VEPH1: variants seen among roughly 807,000 people sequenced by gnomAD.
VEPH1 encodes the protein ventricular zone expressed PH domain containing 1, also known as ventricular zone-expressed PH domain-containing protein homolog 1.
A neutral mutation model predicts 85.2 loss-of-function variants in VEPH1; 80 were observed. That is an observed-to-expected ratio of 0.94 (90% CI 0.78 to 1.13). The LOEUF (loss-of-function observed/expected upper bound fraction) is 1.13, where lower values mean the gene tolerates loss of function less well. Among genes scored for constraint, VEPH1 ranks in the 50% most tolerant of loss-of-function variants. VEPH1 has a pLI of 0.00. For missense variants in VEPH1, 955 were observed against 980.5 expected, an observed-to-expected ratio of 0.97 and a Z score of 0.35; for synonymous variants, 297 against 348.0, an observed-to-expected ratio of 0.85 and a Z score of 1.63.
intron 9 of VEPH1, among the ~76,000 whole-genome samples, chr3:157,326,281 C>T (rs764606372): frequency 7.2e-5 from 11 of 152,014 alleles, no homozygotes; most frequent in Non-Finnish European, 1.0e-4. Context: ...TCTTTTTTGC[C>T]TTCTGAGTAC....
chr3:157,348,756 G>C (rs79770758), intron 9 of VEPH1, among the ~76,000 whole-genome samples: 5 of 152,210 alleles, frequency 3.3e-5, no homozygotes, highest in Non-Finnish European at 1.5e-5. Flanking sequence ...CTGCACTTCC[G>C]TGCTCTCCCT....
intron 11 of VEPH1, among the ~76,000 whole-genome samples, chr3:157,295,316 A>G (rs1717985421): frequency 6.6e-6 from 1 of 152,092 alleles, no homozygotes; most frequent in Admixed American, 6.5e-5. Flanking sequence ...CTTGCTATTC[A>G]AGCTACCCAG....
intron 9 of VEPH1, among the ~76,000 whole-genome samples, chr3:157,327,964 C>G (rs1326621840): frequency 2.0e-5 from 3 of 152,178 alleles, no homozygotes; most frequent in African/African-American, 7.2e-5. Context: ...CAATTCTTCT[C>G]CAAGGTGGTG....
chr3:157,367,316 T>C (rs1002278412), intron 7 of VEPH1, among the ~76,000 whole-genome samples: 10 of 152,204 alleles, frequency 6.6e-5, no homozygotes, highest in Admixed American at 1.3e-4. Context: ...TGACATCTTA[T>C]AGCCAGAAGA....
chr3:157,377,693 AG>A (rs1209126980), intron 7 of VEPH1, among the ~76,000 whole-genome samples: 2 of 152,212 alleles, frequency 1.3e-5, no homozygotes, highest in African/African-American at 4.8e-5. Flanking sequence ...TGCCTTGTGA[AG>A]ATGGTGTCTT....
intron 6 of VEPH1, among the ~76,000 whole-genome samples, chr3:157,396,561 G>C (rs1043281923): frequency 6.6e-6 from 1 of 152,176 alleles, no homozygotes; most frequent in Non-Finnish European, 1.5e-5. Context: ...CCCACCAATA[G>C]TGTAAAAGCA....
intron 6 of VEPH1, among the ~76,000 whole-genome samples, chr3:157,384,725 T>C (rs1310570313): frequency 6.6e-6 from 1 of 152,214 alleles, no homozygotes; most frequent in African/African-American, 2.4e-5. Flanking sequence ...CATCATTTGT[T>C]CTGAAACCTT....
intron 12 of VEPH1, among the ~76,000 whole-genome samples, chr3:157,271,785 A>C (rs1199902225): frequency 6.6e-6 from 1 of 152,206 alleles, no homozygotes; most frequent in Non-Finnish European, 1.5e-5. Context: ...AACAGAAGCG[A>C]TCAGGCACTG....
chr3:157,288,514 A>G (rs1326659852), intron 11 of VEPH1, among the ~76,000 whole-genome samples: 2 of 151,160 alleles, frequency 1.3e-5, no homozygotes, highest in South Asian at 2.1e-4. Flanking sequence ...TTTTTTTTTC[A>G]TAATACCCCC....
At chr3:157,323,346 G>C (rs901203305) in intron 9 of VEPH1, among the ~76,000 whole-genome samples, 2 of 152,152 alleles carry the variant, frequency 1.3e-5, no homozygotes, top group African/African-American at 4.8e-5. Context: ...TGTTTTCAGA[G>C]CTCGGTTCTG....
intron 4 of VEPH1, chr3:157,437,733 G>A (rs1240830486): frequency 2.0e-6 from 3 of 1,506,756 alleles, no homozygotes; most frequent in East Asian, 5.3e-5. Context: ...CCAGTGCTCT[G>A]GACGAGCTGC....
intron 7 of VEPH1, among the ~76,000 whole-genome samples, chr3:157,368,635 G>A (rs1577466049): frequency 1.3e-5 from 2 of 151,984 alleles, no homozygotes; most frequent in East Asian, 3.9e-4. Flanking sequence ...GGGACTACAG[G>A]TGCCCGCCAC....
intron 9 of VEPH1, among the ~76,000 whole-genome samples, chr3:157,358,163 T>C (rs1725655329): frequency 6.6e-6 from 1 of 152,172 alleles, no homozygotes; most frequent in African/African-American, 2.4e-5. Flanking sequence ...GGGATATGTG[T>C]GGTAGGAGAA....
At chr3:157,403,792 T>C (rs921734505) in intron 6 of VEPH1, among the ~76,000 whole-genome samples, 6 of 152,146 alleles carry the variant, frequency 3.9e-5, no homozygotes, top group Non-Finnish European at 7.4e-5. Flanking sequence ...GCTGTGTGTG[T>C]GTCTGGAAAC....
rs190213113 is a variant in VEPH1 at position 157,489,978 on chromosome 3, C to T, written c.138+5234G>A. 3.3e-5 allele frequency among the ~76,000 whole-genome samples: 5 copies of T among 151,646 alleles called. 1 individual carries two copies. The East Asian group carries it at 7.8e-4, about 24-fold the overall frequency. On this transcript the variant is annotated intron_variant, in intron 2 of 13. Coordinates refer to ENST00000362010, the MANE Select transcript of VEPH1 (RefSeq NM_001167912.2). ...TATATTCTCAGAAAAAAATATAAAA[C>T]ACTTATACATTTAACAAAAGATGTA...
At position 157,314,174 on chromosome 3, in the gene VEPH1, T is replaced by TA. The variant is rs1272429429; in HGVS notation, c.1876-420dup. Among the ~76,000 whole-genome samples, 248 of 149,768 alleles carry TA rather than the reference T, an allele frequency of 1.7e-3. 3 individuals carry two copies. In the Middle Eastern group the frequency reaches 0.017, roughly 11 times the overall value. On this transcript the variant is annotated intron_variant, in intron 10 of 13. Transcript: ENST00000362010. ...AGTGAAACCCCGTCTCTACTAAAAA[T>TA]AAAAAAAAATTAGCCGGGCGTGGTG...
intron 4 of VEPH1, chr3:157,437,832 C>T: frequency 1.4e-6 from 2 of 1,470,480 alleles, no homozygotes; most frequent in Non-Finnish European, 1.8e-6. Flanking sequence ...GCGCCCTGGC[C>T]GCGGTGCTAG....
intron 2 of VEPH1, among the ~76,000 whole-genome samples, chr3:157,490,542 T>A (rs1397583307): frequency 6.6e-6 from 1 of 151,974 alleles, no homozygotes; most frequent in Non-Finnish European, 1.5e-5. Flanking sequence ...TTGGTAATAA[T>A]GAGAGGAGTG....
intron 11 of VEPH1, among the ~76,000 whole-genome samples, chr3:157,295,569 G>A (rs1388841130): frequency 7.5e-6 from 1 of 132,874 alleles, no homozygotes; most frequent in East Asian, 2.3e-4. Context: ...AATTTTAAAT[G>A]TCTCCATTTA....
Sources: allele counts gnomAD v4.1 joint callset (sites outside exome capture counted in the v4.1 genomes callset), GRCh38; gene constraint gnomAD v4.1.1; transcripts MANE v1.5; gene names NCBI Gene and HGNC (gene_info 2026-07-23, HGNC 2026-07-21).